The following PCDHA2 variants were observed in gnomAD, a reference collection of about 807,000 sequenced individuals.
PCDHA2 encodes protocadherin alpha-2.
A neutral mutation model predicts 66.0 loss-of-function variants in PCDHA2; 58 were observed. That is an observed-to-expected ratio of 0.88 (90% confidence interval 0.71 to 1.09). PCDHA2 has a LOEUF of 1.09. PCDHA2 is among the 50% of genes least tolerant of loss of function. The probability of loss-of-function intolerance (pLI) is 0.00; values close to 1 mark genes in which losing one functional copy is unlikely to be tolerated. For synonymous variants in PCDHA2, 634 were observed against 554.0 expected (o/e 1.14, Z -2.03); for missense variants, 1,267 against 1,242.3 (o/e 1.02, Z -0.30).
At chr5:140,834,251 G>T in intron 1 of PCDHA2, 1 of 915,122 alleles carries the variant, frequency 1.1e-6, no homozygotes, top group Non-Finnish European at 1.7e-6. Context: ...GCACTGGAAA[G>T]ACGCTCCACT....
At chr5:140,927,906 C>G (rs116016831) in intron 1 of PCDHA2, 1 of 1,614,180 alleles carries the variant, frequency 6.2e-7, no homozygotes, top group Non-Finnish European at 8.5e-7. Flanking sequence ...ATCATGCCCC[C>G]GAACTGGACT....
intron 1 of PCDHA2, among the ~76,000 whole-genome samples, chr5:140,940,372 A>G (rs1173605569): frequency 1.3e-5 from 2 of 151,970 alleles, no homozygotes; most frequent in Admixed American, 6.6e-5. Flanking sequence ...GTATTCCTTG[A>G]GTTGTTAATT....
Position 140,825,402 on chromosome 5 carries a change from ATATATTT to A in PCDHA2, c.2388+28056_2388+28062del, listed in dbSNP as rs1255200035. 3 of 146,358 alleles carry A rather than the reference ATATATTT, an allele frequency of 2.0e-5. No homozygotes were observed. In the East Asian group the frequency reaches 5.8e-4, roughly 28 times the overall value. 9.1% of individuals were successfully genotyped at this position (146,358 alleles called of 1,614,324 possible). A position where few individuals can be genotyped will look rare whatever the true frequency, so the allele number is the denominator to read the frequency against. On this transcript the variant is annotated intron_variant, in intron 1 of 3. Transcript: ENST00000526136. The stretch of plus-strand genomic sequence containing the variant: ...ATATCTAATATATATCTAATATATT[ATATATTT>A]TATATAATATATATAATAAATATAT...
intron 1 of PCDHA2, chr5:140,927,156 G>A (rs1261418178): frequency 6.2e-7 from 1 of 1,614,016 alleles, no homozygotes; most frequent in African/African-American, 1.3e-5. Flanking sequence ...AGCTGTGCAG[G>A]GCCAAAGCTG....
chr5:140,925,762 T>G (rs1172229426), intron 1 of PCDHA2, among the ~76,000 whole-genome samples: 3 of 152,052 alleles, frequency 2.0e-5, no homozygotes, highest in African/African-American at 7.2e-5. Flanking sequence ...ACAGAGTAGT[T>G]TCCTGGTCAA....
chr5:140,829,449 C>A, intron 1 of PCDHA2: 4 of 1,613,926 alleles, frequency 2.5e-6, no homozygotes, highest in Non-Finnish European at 3.4e-6. Flanking sequence ...GACAATGCTC[C>A]GGCGTTCGCG....
Position 140,927,102 on chromosome 5 carries a change from A to G in PCDHA2, c.2389-51847A>G, listed in dbSNP as rs144696843. 1.4e-5 allele frequency: 23 copies of G among 1,613,520 alleles called. No individual in the cohort carries two copies. In the African/African-American group the frequency reaches 1.7e-4, roughly 12 times the overall value. ...GCGAGCTCTACTTCGGGGTGGATCTACCCAGCGGCAATTTGGTGGTCAGAG... is the reference window on the plus strand; with the variant it reads ...GCGAGCTCTACTTCGGGGTGGATCTGCCCAGCGGCAATTTGGTGGTCAGAG... On this transcript the variant is annotated intron_variant, in intron 1 of 3. Transcript: ENST00000526136.
At chr5:140,822,702 T>C (rs1767402804) in intron 1 of PCDHA2, 1 of 1,610,758 alleles carries the variant, frequency 6.2e-7, no homozygotes, top group Non-Finnish European at 8.5e-7. Flanking sequence ...AACTGGATTA[T>C]GAAGACTATA....
At chr5:140,929,213 A>G (rs199608631) in intron 1 of PCDHA2, 6 of 1,613,934 alleles carry the variant, frequency 3.7e-6, no homozygotes, top group Admixed American at 1.7e-5. Context: ...TTGCGTGGGG[A>G]GTACAATGCT....
intron 1 of PCDHA2, 90 bp downstream of exon 1, chr5:140,797,442 C>A: frequency 7.3e-7 from 1 of 1,368,350 alleles, no homozygotes; most frequent in Non-Finnish European, 1.0e-6. Flanking sequence ...ATTCATAGTT[C>A]TTCATTTATT....
rs140660802 is a variant in PCDHA2 at position 140,849,759 on chromosome 5, G to C, written c.2388+52407G>C. 47 of 1,598,444 alleles carry C rather than the reference G, an allele frequency of 2.9e-5. 6 individuals are homozygous for C. Among genetic ancestry groups the C allele is most frequent in the Non-Finnish European group, 4.0e-5 (47 of 1,167,970 alleles). ...GGACCGCGAGAGTGTGTCCGCCTAC[G>C]AGCTGGTGGTTACCGCGCGGGACGG... On this transcript the variant is annotated intron_variant, in intron 1 of 3. Coordinates refer to ENST00000526136, the MANE Select transcript of PCDHA2 (RefSeq NM_018905.3).
chr5:140,894,374 A>G (rs1449305462), intron 1 of PCDHA2, among the ~76,000 whole-genome samples: 1 of 151,940 alleles, frequency 6.6e-6, no homozygotes, highest in African/African-American at 2.4e-5. Flanking sequence ...AATGGCTCCA[A>G]TTATATTTGT....
chr5:140,966,543 A>G lies in PCDHA2; in HGVS notation c.2389-12406A>G, dbSNP rs200134570. 641 of 461,190 alleles carry G rather than the reference A, an allele frequency of 1.4e-3. 4 individuals carry two copies. The highest frequency in any genetic ancestry group is 0.011 in the African/African-American group (555 of 49,108). The allele number at this position is 461,190 out of a possible 1,614,324, so 28.6% of individuals were successfully genotyped here. ...AGCCGAGCCGGGTTGAGCGACTCGGAGGCGAGCGGAGGAGCTGGAATATGG... is the reference window on the plus strand; with the variant it reads ...AGCCGAGCCGGGTTGAGCGACTCGGGGGCGAGCGGAGGAGCTGGAATATGG... On this transcript the variant is annotated intron_variant, in intron 1 of 3. Coordinates refer to ENST00000526136, the MANE Select transcript of PCDHA2 (RefSeq NM_018905.3).
intron 1 of PCDHA2, among the ~76,000 whole-genome samples, chr5:140,936,139 C>T (rs1166879357): frequency 6.6e-6 from 1 of 152,078 alleles, no homozygotes; most frequent in Non-Finnish European, 1.5e-5. Flanking sequence ...GTGATCTGCC[C>T]GCCTTGGCCT....
At chr5:140,864,365 AT>A (rs1190318637) in intron 1 of PCDHA2, 4 of 152,220 alleles carry the variant, frequency 2.6e-5, no homozygotes, top group Non-Finnish European at 5.9e-5. Flanking sequence ...TTATCTTTCT[AT>A]AATCGATAAG....
chr5:140,801,782 G>A, intron 1 of PCDHA2: 1 of 1,613,762 alleles, frequency 6.2e-7, no homozygotes, highest in Non-Finnish European at 8.5e-7. Flanking sequence ...TTGGACTCGT[G>A]TTGAAAAAAA....
At chr5:140,929,112 C>T in intron 1 of PCDHA2, 6 of 1,614,130 alleles carry the variant, frequency 3.7e-6, no homozygotes, top group Non-Finnish European at 5.1e-6. Context: ...TGACATCAGC[C>T]ACCATAGATG....
chr5:140,968,317 A>G (rs144335538), intron 1 of PCDHA2: 1 of 1,613,890 alleles, frequency 6.2e-7, no homozygotes, highest in African/African-American at 1.3e-5. Context: ...AAGGGCTGCC[A>G]GTCACCTCCT....
At chr5:140,871,024 T>A (rs782482530) in intron 1 of PCDHA2, 2 of 1,613,076 alleles carry the variant, frequency 1.2e-6, no homozygotes, top group African/African-American at 1.3e-5. Flanking sequence ...CGAGGCAGAC[T>A]CGCCGCGCCA....
Sources: allele counts gnomAD v4.1 joint callset (sites outside exome capture counted in the v4.1 genomes callset), GRCh38; gene constraint gnomAD v4.1.1; transcripts MANE v1.5; gene names NCBI Gene and HGNC (gene_info 2026-07-23, HGNC 2026-07-21).